KIAA1143: variants seen among roughly 807,000 people sequenced by gnomAD.
KIAA1143 encodes KIAA1143.
Under a neutral mutation model 17.0 loss-of-function variants are expected in KIAA1143, and 8 were observed. The ratio of observed to expected loss-of-function variants is 0.47; its 90% CI spans 0.28 to 0.85. The LOEUF (loss-of-function observed/expected upper bound fraction) is 0.85. Ranked by LOEUF, KIAA1143 falls within the 40% of genes least tolerant of loss-of-function variation. The pLI, the probability that KIAA1143 is intolerant of heterozygous loss-of-function variation, is 0.12. For missense variants in KIAA1143, 162 were observed against 183.3 expected (o/e 0.88, Z 0.67); for synonymous variants, 64 against 67.8 (o/e 0.94, Z 0.27).
chr3:44,760,350 C>G (rs1705063026), intron 1 of KIAA1143, among the ~76,000 whole-genome samples: 1 of 152,220 alleles, frequency 6.6e-6, no homozygotes, highest in African/African-American at 2.4e-5. Flanking sequence ...TCCTCTTCTT[C>G]TATTTAGACC....
chr3:44,750,209 C>T lies in KIAA1143; in HGVS notation c.*3132G>A, dbSNP rs1704876671. On this transcript the variant is annotated 3_prime_UTR_variant, in exon 3 of 3. Transcript: ENST00000296121. The stretch of plus-strand genomic sequence containing the variant: ...CCATACTAATGGAAAAAAGTTAATT[C>T]AAAAACTTTTGACCTTAAACTAACT... The T allele has an allele frequency of 6.6e-6, 1 of 152,146 alleles. No individual in the cohort carries two copies. The highest frequency in any genetic ancestry group is 2.4e-5 in the African/African-American group (1 of 41,432). The allele number at this position is 152,146 out of a possible 1,614,324, so 9.4% of individuals were successfully genotyped here.
chr3:44,756,154 C>T (rs1350358674), intron 1 of KIAA1143, among the ~76,000 whole-genome samples: 1 of 152,186 alleles, frequency 6.6e-6, no homozygotes, highest in African/African-American at 2.4e-5. Context: ...TTCTGACTCT[C>T]TTCTCTTTTT....
chr3:44,756,466 G>A (rs374727450), intron 1 of KIAA1143, among the ~76,000 whole-genome samples: 8 of 152,282 alleles, frequency 5.3e-5, no homozygotes, highest in African/African-American at 1.7e-4. Flanking sequence ...GGGTGGCTGA[G>A]GCAGGAGAAT....
chr3:44,760,453 G>A (rs1445964711), intron 1 of KIAA1143, among the ~76,000 whole-genome samples: 2 of 151,276 alleles, frequency 1.3e-5, no homozygotes, highest in East Asian at 1.9e-4. Flanking sequence ...GCAGTGGCGC[G>A]ATCTCGGCTC....
chr3:44,754,048 A>T (rs1462859837), intron 2 of KIAA1143, among the ~76,000 whole-genome samples, 176 bp downstream of exon 2: 1 of 152,232 alleles, frequency 6.6e-6, no homozygotes, highest in Non-Finnish European at 1.5e-5. Flanking sequence ...TGATGAGGAA[A>T]TCGAGGCTGA....
intron 1 of KIAA1143, among the ~76,000 whole-genome samples, chr3:44,759,678 G>A (rs1325031737): frequency 6.6e-6 from 1 of 152,058 alleles, no homozygotes; most frequent in Non-Finnish European, 1.5e-5. Context: ...AGGATTGCTT[G>A]AGTCCAGGAG....
In KIAA1143 at chr3:44,753,687, G is replaced by T. The variant is rs1424110259; in HGVS notation, c.254-135C>A. On this transcript the variant is annotated intron_variant, in intron 2 of 2. Coordinates refer to ENST00000296121, the MANE Select transcript of KIAA1143 (RefSeq NM_020696.4). The stretch of plus-strand genomic sequence containing the variant: ...CTGATTCAGTCTGGTCTTCTCCATT[G>T]TTTCTAGCTATATTGCCCTCAAGGC... 4 of 864,976 alleles carry T rather than the reference G, an allele frequency of 4.6e-6. No homozygotes were observed. The Admixed American group carries it at 9.1e-5, about 20-fold the overall frequency. 53.6% of individuals were successfully genotyped at this position (864,976 alleles called of 1,614,324 possible). A position where few individuals can be genotyped will look rare whatever the true frequency, so the allele number is the denominator to read the frequency against.
rs1704878653 is a variant in KIAA1143 at position 44,750,354 on chromosome 3, T to C, written c.*2987A>G. The C allele has an allele frequency of 1.3e-5, 2 of 152,102 alleles. No homozygotes were observed. The highest frequency in any genetic ancestry group is 2.4e-5 in the African/African-American group (1 of 41,402). The allele number at this position is 152,102 out of a possible 1,614,324, so 9.4% of individuals were successfully genotyped here. A position where few individuals can be genotyped will look rare whatever the true frequency, so the allele number is the denominator to read the frequency against. ...AGTGTGAGGTGGTGTTTAGCTTCCT[T>C]TGGGTTATACTGATAGAGATTTGTT... On this transcript the variant is annotated 3_prime_UTR_variant, in exon 3 of 3. Transcript: ENST00000296121.
In KIAA1143 at chr3:44,755,353, T is replaced by C. The variant is rs545752626; in HGVS notation, c.109-985A>G. On this transcript the variant is annotated intron_variant, in intron 1 of 2. Coordinates refer to ENST00000296121, the MANE Select transcript of KIAA1143 (RefSeq NM_020696.4). ...TTCACTAGAGGTGGAACTGTTGGGTTGAAAGGTATGCATACCAAAATATGT... is the reference window on the plus strand; with the variant it reads ...TTCACTAGAGGTGGAACTGTTGGGTCGAAAGGTATGCATACCAAAATATGT... Among the ~76,000 whole-genome samples, 8 of 152,310 alleles carry C rather than the reference T, an allele frequency of 5.3e-5. 1 individual carries two copies. The highest frequency in any genetic ancestry group is 1.9e-4 in the African/African-American group (8 of 41,560).
intron 1 of KIAA1143, among the ~76,000 whole-genome samples, chr3:44,760,655 T>C (rs1705078268): frequency 1.3e-5 from 2 of 151,036 alleles, no homozygotes; most frequent in South Asian, 2.1e-4. Flanking sequence ...CCCAGAGCGC[T>C]GGGATTACAG....
rs539456381 is a variant in KIAA1143, at chr3:44,749,239, A to T, written c.*4102T>A. 6.6e-6 allele frequency: 1 copy of T among 152,216 alleles called. No individual in the cohort carries two copies. The highest frequency in any genetic ancestry group is 1.9e-4 in the East Asian group (1 of 5,176). The allele number at this position is 152,216 out of a possible 1,614,324, so 9.4% of individuals were successfully genotyped here. A position where few individuals can be genotyped will look rare whatever the true frequency, so the allele number is the denominator to read the frequency against. Reference sequence around the variant, plus strand: ...CCGTCTCTATTAAAAATACAAAAAAATTAGCCGGGCGTGGTGGCGGGCGAC... The same window carrying T: ...CCGTCTCTATTAAAAATACAAAAAATTTAGCCGGGCGTGGTGGCGGGCGAC... On this transcript the variant is annotated 3_prime_UTR_variant, in exon 3 of 3. Transcript: ENST00000296121.
At chr3:44,754,575 G>A (rs1704939539) in intron 1 of KIAA1143, among the ~76,000 whole-genome samples, 1 of 152,170 alleles carries the variant, frequency 6.6e-6, no homozygotes, top group Non-Finnish European at 1.5e-5. Context: ...TGCCTGTCCG[G>A]TGGGATTCAT....
At chr3:44,753,658 G>T in intron 2 of KIAA1143, 106 bp from the exon 3 acceptor site, 1 of 1,111,856 alleles carries the variant, frequency 9.0e-7, no homozygotes, top group Non-Finnish European at 1.3e-6. Context: ...GGATATCCCT[G>T]AATCTGATTC....
At chr3:44,760,684 G>A (rs572550054) in intron 1 of KIAA1143, among the ~76,000 whole-genome samples, 3 of 143,210 alleles carry the variant, frequency 2.1e-5, no homozygotes, top group South Asian at 4.4e-4. Context: ...CACCAGGCCC[G>A]GCTTTTTTTT....
At chr3:44,759,878 G>C (rs1237663430) in intron 1 of KIAA1143, among the ~76,000 whole-genome samples, 1 of 94,518 alleles carries the variant, frequency 1.1e-5, no homozygotes, top group South Asian at 4.4e-4. Flanking sequence ...CTGGGCGACA[G>C]AGTGAGACCC....
chr3:44,760,784 C>T (rs1705089280), intron 1 of KIAA1143, among the ~76,000 whole-genome samples: 1 of 148,812 alleles, frequency 6.7e-6, no homozygotes, highest in Non-Finnish European at 1.5e-5. Context: ...CTCCCGGGTT[C>T]GAGCGATTCT....
At chr3:44,760,683 C>T (rs994150224) in intron 1 of KIAA1143, among the ~76,000 whole-genome samples, 6 of 149,714 alleles carry the variant, frequency 4.0e-5, no homozygotes, top group East Asian at 1.9e-4. Flanking sequence ...CCACCAGGCC[C>T]GGCTTTTTTT....
At chr3:44,753,700 T>C (rs1482340424) in intron 2 of KIAA1143, 148 bp from the exon 3 acceptor site, 20 of 767,212 alleles carry the variant, frequency 2.6e-5, no homozygotes, top group Admixed American at 3.1e-5. Flanking sequence ...TCTAGCTATA[T>C]TGCCCTCAAG....
chr3:44,754,090 C>T, intron 2 of KIAA1143, 134 bp downstream of exon 2: 1 of 782,396 alleles, frequency 1.3e-6, no homozygotes, highest in Non-Finnish European at 2.1e-6. Flanking sequence ...GGTTACACAT[C>T]TGGTAAGTGT....
Sources: allele counts gnomAD v4.1 joint callset (sites outside exome capture counted in the v4.1 genomes callset), GRCh38; gene constraint gnomAD v4.1.1; transcripts MANE v1.5; gene names NCBI Gene and HGNC (gene_info 2026-07-23, HGNC 2026-07-21).